PRKCE: variants seen among roughly 807,000 people sequenced by gnomAD.
PRKCE encodes protein kinase C epsilon type.
Under a neutral mutation model 85.4 loss-of-function variants are expected in PRKCE, and 16 were observed. The ratio of observed to expected loss-of-function variants is 0.19; its 90% CI spans 0.13 to 0.28. PRKCE has a LOEUF of 0.28. PRKCE is among the 10% of genes least tolerant of loss of function. The pLI, the probability that PRKCE is intolerant of heterozygous loss-of-function variation, is 1.00. For missense variants in PRKCE, 573 were observed against 975.2 expected (o/e 0.59, Z 5.49); for synonymous variants, 388 against 371.5 (o/e 1.04, Z -0.51).
At chr2:46,163,937 G>A (rs1383606252) in intron 14 of PRKCE, among the ~76,000 whole-genome samples, 1,022 of 102,264 alleles carry the variant, frequency 1.0e-2, no homozygotes, top group Middle Eastern at 0.092. Context: ...AAGCTGAGGC[G>A]CACCCCACAG....
chr2:45,705,030 G>A (rs1678994203), intron 1 of PRKCE, among the ~76,000 whole-genome samples: 2 of 152,326 alleles, frequency 1.3e-5, no homozygotes. Context: ...GGGCACAGAT[G>A]AGATAAAGCA....
intron 1 of PRKCE, among the ~76,000 whole-genome samples, chr2:45,715,719 G>A (rs1285394698): frequency 6.6e-6 from 1 of 152,158 alleles, no homozygotes; most frequent in Non-Finnish European, 1.5e-5. Flanking sequence ...ATCTGTGGGT[G>A]GATTCTGAGA....
At chr2:45,753,800 C>G (rs1375479300) in intron 1 of PRKCE, among the ~76,000 whole-genome samples, 1 of 152,074 alleles carries the variant, frequency 6.6e-6, no homozygotes, top group East Asian at 1.9e-4. Flanking sequence ...AAAGCCAATC[C>G]CAGACATCCT....
chr2:45,682,289 C>G (rs1445795611), intron 1 of PRKCE, among the ~76,000 whole-genome samples: 1 of 152,064 alleles, frequency 6.6e-6, no homozygotes, highest in Non-Finnish European at 1.5e-5. Flanking sequence ...TTTTCTTTTT[C>G]AAAATGATGT....
At chr2:46,183,719 A>G (rs566911662) in intron 14 of PRKCE, among the ~76,000 whole-genome samples, 1 of 152,254 alleles carries the variant, frequency 6.6e-6, no homozygotes, top group African/African-American at 2.4e-5. Context: ...TCTCCCTGCC[A>G]AGGTGCCTCC....
chr2:45,751,761 A>G (rs1573201375), intron 1 of PRKCE, among the ~76,000 whole-genome samples: 1 of 149,882 alleles, frequency 6.7e-6, no homozygotes, highest in Non-Finnish European at 1.5e-5. Flanking sequence ...ATTTCCCATA[A>G]CCCCACCCCC....
At chr2:45,749,902 C>T (rs539832016) in intron 1 of PRKCE, among the ~76,000 whole-genome samples, 2 of 152,202 alleles carry the variant, frequency 1.3e-5, no homozygotes, top group African/African-American at 2.4e-5. Flanking sequence ...ACATAACATT[C>T]TTCCAGAGGT....
intron 11 of PRKCE, among the ~76,000 whole-genome samples, chr2:46,143,489 C>T (rs1675762225): frequency 6.6e-6 from 1 of 152,136 alleles, no homozygotes; most frequent in Non-Finnish European, 1.5e-5. Context: ...CTTCTACTTT[C>T]ACGCACATCT....
At chr2:46,065,813 A>G (rs1667577769) in intron 10 of PRKCE, among the ~76,000 whole-genome samples, 1 of 151,046 alleles carries the variant, frequency 6.6e-6, no homozygotes, top group African/African-American at 2.5e-5. Flanking sequence ...TACTGATCCC[A>G]GGAAAGTGTT....
At chr2:45,938,778 G>A (rs547705305) in intron 2 of PRKCE, among the ~76,000 whole-genome samples, 19 of 152,220 alleles carry the variant, frequency 1.2e-4, no homozygotes, top group South Asian at 1.2e-3. Context: ...TTACAAAGTC[G>A]TGCCAGTTTT....
intron 10 of PRKCE, among the ~76,000 whole-genome samples, chr2:46,032,228 T>C (rs1339960812): frequency 2.6e-5 from 4 of 151,598 alleles, no homozygotes. Flanking sequence ...GGCAGGGTCC[T>C]GGGATATCTT....
intron 1 of PRKCE, among the ~76,000 whole-genome samples, chr2:45,780,130 A>G (rs932480368): frequency 6.6e-6 from 1 of 152,244 alleles, no homozygotes; most frequent in Non-Finnish European, 1.5e-5. Context: ...GTATTCTTTC[A>G]TATCATCAAA....
chr2:45,892,780 GAC>G (rs1279053098), intron 2 of PRKCE, among the ~76,000 whole-genome samples: 5 of 152,190 alleles, frequency 3.3e-5, no homozygotes, highest in African/African-American at 1.2e-4. Context: ...GGATTTACCC[GAC>G]ACACACTGAT....
chr2:45,694,006 C>T (rs1056718784), intron 1 of PRKCE, among the ~76,000 whole-genome samples: 1 of 151,928 alleles, frequency 6.6e-6, no homozygotes, highest in South Asian at 2.1e-4. Context: ...GTGAGGGTCA[C>T]TCTTCCAGCC....
intron 1 of PRKCE, among the ~76,000 whole-genome samples, chr2:45,694,662 A>G: frequency 6.6e-6 from 1 of 152,208 alleles, no homozygotes; most frequent in Non-Finnish European, 1.5e-5. Context: ...TTCAGGGAGG[A>G]CATGAGTGAG....
chr2:45,867,749 G>A (rs1693723507), intron 2 of PRKCE, among the ~76,000 whole-genome samples: 1 of 152,150 alleles, frequency 6.6e-6, no homozygotes, highest in Non-Finnish European at 1.5e-5. Flanking sequence ...GTGTGCACGT[G>A]TGTGCTAATG....
intron 11 of PRKCE, among the ~76,000 whole-genome samples, chr2:46,105,727 T>A (rs1413505721): frequency 1.3e-5 from 2 of 152,212 alleles, no homozygotes; most frequent in African/African-American, 4.8e-5. Flanking sequence ...ATGGAGGTGG[T>A]TAGCATCACA....
intron 2 of PRKCE, among the ~76,000 whole-genome samples, chr2:45,971,477 G>A (rs962859190): frequency 2.5e-4 from 38 of 152,168 alleles, no homozygotes; most frequent in Non-Finnish European, 4.4e-5. Flanking sequence ...ATAGAAATCT[G>A]CTTCAGCTTT....
chr2:46,119,383 A>G (rs1430438633), intron 11 of PRKCE, among the ~76,000 whole-genome samples: 1 of 152,140 alleles, frequency 6.6e-6, no homozygotes, highest in Admixed American at 6.5e-5. Context: ...ACTCTAGCTA[A>G]ATGATGTCAC....
Sources: gnomAD v4.1 joint callset for allele counts (sites outside exome capture counted in the v4.1 genomes callset) on GRCh38, gnomAD v4.1.1 for gene constraint, MANE v1.5 for transcripts, NCBI Gene and HGNC (gene_info 2026-07-23, HGNC 2026-07-21) for gene names.